Variants in HAO2 observed in about 807,000 individuals in gnomAD.
The protein encoded by HAO2 is 2-Hydroxyacid oxidase 2.
In HAO2, 42 loss-of-function variants were observed where a neutral mutation model predicts 37.4. That is an observed-to-expected ratio of 1.12 (90% CI 0.88 to 1.45). The LOEUF (loss-of-function observed/expected upper bound fraction) is 1.45, where lower values mean the gene tolerates loss of function less well. HAO2 is among the 40% of genes most tolerant of loss of function. The pLI, the probability that HAO2 is intolerant of heterozygous loss-of-function variation, is 0.00. For missense variants in HAO2, 476 were observed against 430.2 expected, an observed-to-expected ratio of 1.11 and a Z score of -0.94; for synonymous variants, 180 against 162.8, an observed-to-expected ratio of 1.11 and a Z score of -0.81.
At chr1:119,380,776 G>A in intron 1 of HAO2, 1 of 1,137,270 alleles carries the variant, frequency 8.8e-7, no homozygotes, top group Non-Finnish European at 1.3e-6. Context: ...AAGTGGTGGG[G>A]CCTCAACTAG....
intron 2 of HAO2, among the ~76,000 whole-genome samples, chr1:119,382,712 T>A (rs769655188): frequency 4.4e-4 from 67 of 152,080 alleles, no homozygotes; most frequent in Non-Finnish European, 7.5e-4. Context: ...GGGAATGAGG[T>A]GTTGGAAGCG....
At chr1:119,389,051 T>G (rs1650610656) in intron 5 of HAO2, among the ~76,000 whole-genome samples, 1 of 144,756 alleles carries the variant, frequency 6.9e-6, no homozygotes, top group African/African-American at 2.5e-5. Context: ...CTGAATTACT[T>G]CACTTAGAAT....
intron 1 of HAO2, among the ~76,000 whole-genome samples, chr1:119,379,129 T>C (rs1449265455): frequency 6.6e-6 from 1 of 152,080 alleles, no homozygotes; most frequent in African/African-American, 2.4e-5. Flanking sequence ...CGGGATGCAG[T>C]TAATTCCCCC....
chr1:119,392,151 A>G lies in HAO2; in HGVS notation c.813A>G (p.Lys271=). 6.2e-7 allele frequency: 1 copy of G among 1,613,308 alleles called. No homozygotes were observed. Among genetic ancestry groups the G allele is most frequent in the Non-Finnish European group, 8.5e-7 (1 of 1,179,478 alleles). ...LTEVVAAVKG[K]IEVYLDGGVR... ...AAGTGGTGGCTGCTGTAAAGGGGAA[A>G]ATTGAAGTCTACCTGGATGGCGGGG... is the stretch of plus-strand genomic sequence containing the variant. Residue 271 remains lysine, a synonymous_variant, in exon 6 of 8, where the codon AAA becomes AAG. Coordinates refer to ENST00000325945, the MANE Select transcript of HAO2 (RefSeq NM_016527.4).
At chr1:119,388,424 TC>T (rs1184117165) in intron 5 of HAO2, among the ~76,000 whole-genome samples, 2 of 152,216 alleles carry the variant, frequency 1.3e-5, no homozygotes. Context: ...AGACTAATTC[TC>T]CCATTGTGCT....
chr1:119,385,955 C>G lies in HAO2; in HGVS notation c.562-667C>G, dbSNP rs190333339. ...GTTCTTATCCTGGGTATGCCTCAAC[C>G]GTAACATATCACATTGACCAATAAA... On this transcript the variant is annotated intron_variant, in intron 4 of 7. Transcript: ENST00000325945. 15 of 884,836 alleles carry G rather than the reference C, an allele frequency of 1.7e-5. No individual in the cohort carries two copies. In the South Asian group the frequency reaches 7.8e-4, roughly 46 times the overall value. The allele number at this position is 884,836 out of a possible 1,614,324, so 54.8% of individuals were successfully genotyped here. A position where few individuals can be genotyped will look rare whatever the true frequency, so the allele number is the denominator to read the frequency against.
intron 1 of HAO2, among the ~76,000 whole-genome samples, chr1:119,377,146 A>G (rs1237110522): frequency 6.6e-6 from 1 of 152,222 alleles, no homozygotes; most frequent in African/African-American, 2.4e-5. Flanking sequence ...ATTTTTGAAT[A>G]CATAAAACTG....
At chr1:119,388,677 G>T (rs587719843) in intron 5 of HAO2, among the ~76,000 whole-genome samples, 1 of 152,022 alleles carries the variant, frequency 6.6e-6, no homozygotes, top group Non-Finnish European at 1.5e-5. Flanking sequence ...CTAGCCCCAG[G>T]TCTATTTATT....
rs763254304 is a variant in HAO2 at position 119,382,997 on chromosome 1, C to G, written c.214C>G (p.Pro72Ala). The change falls in exon 3 of 8, where the codon CCT becomes GCT. Residue 72 changes from proline (P) to alanine (A), a missense_variant. By Grantham distance (27) the Pro-to-Ala change is conservative. Coordinates refer to ENST00000325945, the MANE Select transcript of HAO2 (RefSeq NM_016527.4). ...TTIQGEEISA[P>A]ICIAPTGFHC... ...AATCCAAGGGGAGGAGATCAGTGCC[C>G]CTATTTGTATCGCACCCACAGGGTT... is the stretch of plus-strand genomic sequence containing the variant. 1 of 1,612,650 alleles carries G rather than the reference C, an allele frequency of 6.2e-7. No homozygotes were observed. The highest frequency in any genetic ancestry group is 1.3e-5 in the African/African-American group (1 of 74,880).
chr1:119,393,736 G>A (rs772589227), intron 7 of HAO2, 49 bp from the exon 8 acceptor site: 1 of 1,539,324 alleles, frequency 6.5e-7, no homozygotes, highest in Admixed American at 1.7e-5. Flanking sequence ...GATGAGGTGA[G>A]TTGCTTGTGT....
intron 4 of HAO2, among the ~76,000 whole-genome samples, 186 bp from the exon 5 acceptor site, chr1:119,386,436 G>C (rs1435791364): frequency 6.6e-6 from 1 of 152,028 alleles, no homozygotes; most frequent in Non-Finnish European, 1.5e-5. Flanking sequence ...AAACTACTAG[G>C]CTCAAAAGAT....
intron 4 of HAO2, chr1:119,385,884 T>A (rs1227949953): frequency 1.0e-6 from 1 of 984,762 alleles, no homozygotes; most frequent in Non-Finnish European, 1.2e-6. Flanking sequence ...ATGTACATGG[T>A]GAGCCAAGAG....
chr1:119,380,662 C>T (rs755253608), intron 1 of HAO2: 2 of 1,560,100 alleles, frequency 1.3e-6, no homozygotes, highest in South Asian at 1.1e-5. Context: ...GCATGATCAG[C>T]CTTGAACTTT....
chr1:119,393,898 C>T lies in HAO2; in HGVS notation c.*58C>T. On this transcript the variant is annotated 3_prime_UTR_variant, in exon 8 of 8. Transcript: ENST00000325945. Reference sequence around the variant, plus strand: ...TGCCCACAGGAGGATCACAAACTCACAGCACAGTGTGTGATGCTGTCCTTC... The same window carrying T: ...TGCCCACAGGAGGATCACAAACTCATAGCACAGTGTGTGATGCTGTCCTTC... 1.2e-6 allele frequency: 2 copies of T among 1,610,836 alleles called. No individual in the cohort carries two copies. Among genetic ancestry groups the T allele is most frequent in the Non-Finnish European group, 8.5e-7 (1 of 1,177,638 alleles).
At position 119,369,335 on chromosome 1, in the gene HAO2, A is replaced by G. The variant is rs1648773568; in HGVS notation, c.-9+433A>G. ...TGCTCCTAAAAAAGTAAAGAAGTTA[A>G]TGTGTCTCAAACAATGTAGTTCCTT... On this transcript the variant is annotated intron_variant, in intron 1 of 7. Coordinates refer to ENST00000325945, the MANE Select transcript of HAO2 (RefSeq NM_016527.4). Among the ~76,000 whole-genome samples the G allele has an allele frequency of 1.3e-5, 2 of 152,226 alleles. 1 individual carries two copies. The highest frequency in any genetic ancestry group is 4.1e-4 in the South Asian group (2 of 4,830).
intron 4 of HAO2, chr1:119,385,292 C>T (rs774824988): frequency 4.1e-4 from 406 of 985,146 alleles, no homozygotes; most frequent in Non-Finnish European, 4.6e-4. Context: ...CAACTTGTCA[C>T]CAGAAGTGTT....
chr1:119,392,373 C>T, intron 6 of HAO2, 105 bp downstream of exon 6: 1 of 1,023,992 alleles, frequency 9.8e-7, no homozygotes, highest in South Asian at 1.6e-5. Context: ...AAAATGATTC[C>T]TAAAGGATAG....
At chr1:119,378,027 A>G (rs1649618436) in intron 1 of HAO2, among the ~76,000 whole-genome samples, 1 of 152,008 alleles carries the variant, frequency 6.6e-6, no homozygotes, top group Admixed American at 6.5e-5. Context: ...AGATCATGCT[A>G]AGCTTTACAT....
intron 3 of HAO2, 32 bp from the exon 4 acceptor site, chr1:119,384,744 C>A: frequency 6.2e-7 from 1 of 1,605,376 alleles, no homozygotes; most frequent in Non-Finnish European, 8.5e-7. Flanking sequence ...GGCCTCTGCC[C>A]TCCAGCCTGA....
Sources: allele counts gnomAD v4.1 joint callset (sites outside exome capture counted in the v4.1 genomes callset), GRCh38; gene constraint gnomAD v4.1.1; transcripts MANE v1.5; gene names NCBI Gene and HGNC (gene_info 2026-07-23, HGNC 2026-07-21).